The following RNF41 variants were observed in gnomAD, a reference collection of about 807,000 sequenced individuals.
RNF41 encodes E3 ubiquitin-protein ligase NRDP1.
A neutral mutation model predicts 33.0 loss-of-function variants in RNF41; 4 were observed. The observed-to-expected ratio is 0.12, with a 90% confidence interval of 0.06 to 0.28. RNF41 has a LOEUF of 0.28. Ranked by LOEUF, RNF41 falls within the 10% of genes least tolerant of loss-of-function variation. RNF41 has a pLI of 1.00. For missense variants in RNF41, 228 were observed against 432.6 expected (o/e 0.53, Z 4.19); for synonymous variants, 164 against 153.2 (o/e 1.07, Z -0.52).
intron 1 of RNF41, among the ~76,000 whole-genome samples, chr12:56,220,949 A>G (rs1225574125): frequency 6.6e-6 from 1 of 152,104 alleles, no homozygotes; most frequent in African/African-American, 2.4e-5. Context: ...CTCTTGCCCT[A>G]TTGTCAGACT....
rs1878692926 is a variant in RNF41, at chr12:56,203,597, T to C, written c.*2850A>G. 1 of 151,936 alleles carries C rather than the reference T, an allele frequency of 6.6e-6. No homozygotes were observed. Among genetic ancestry groups the C allele is most frequent in the South Asian group, 2.1e-4 (1 of 4,816 alleles). The allele number at this position is 151,936 out of a possible 1,614,324, so 9.4% of individuals were successfully genotyped here. A position where few individuals can be genotyped will look rare whatever the true frequency, so the allele number is the denominator to read the frequency against. On this transcript the variant is annotated 3_prime_UTR_variant, in exon 7 of 7. Transcript: ENST00000345093. The stretch of plus-strand genomic sequence containing the variant: ...TTTTAGTAGAGACAGGGTTTCACCA[T>C]GTTAGCCAGGATGGTCTCGATCTCC...
intron 4 of RNF41, chr12:56,209,900 TTC>T: frequency 4.3e-6 from 1 of 231,304 alleles, no homozygotes; most frequent in Non-Finnish European, 8.8e-6. Flanking sequence ...TAACATGCCC[TTC>T]AGCTATCAAC....
At chr12:56,208,863 G>T (rs964013058) in intron 4 of RNF41, among the ~76,000 whole-genome samples, 2 of 143,710 alleles carry the variant, frequency 1.4e-5, no homozygotes, top group African/African-American at 5.2e-5. Flanking sequence ...ACCGCGCCTG[G>T]CCTTTTTTTT....
chr12:56,219,337 G>A (rs1277255241), intron 1 of RNF41, among the ~76,000 whole-genome samples: 2 of 151,454 alleles, frequency 1.3e-5, no homozygotes, highest in South Asian at 2.1e-4. Flanking sequence ...GACTACAGGC[G>A]CCCGCCAGGA....
intron 4 of RNF41, chr12:56,209,948 A>G (rs1357375039): frequency 1.4e-5 from 4 of 279,858 alleles, no homozygotes; most frequent in African/African-American, 8.5e-5. Context: ...CAGAAATAAA[A>G]AAATAGGGCA....
intron 4 of RNF41, 111 bp downstream of exon 4, chr12:56,210,186 C>A: frequency 8.4e-7 from 1 of 1,192,296 alleles, no homozygotes; most frequent in Non-Finnish European, 1.2e-6. Flanking sequence ...TAAGAATACT[C>A]CTTGCCAACA....
At chr12:56,214,208 C>T (rs1470845906) in intron 2 of RNF41, 138 bp from the exon 3 acceptor site, 12 of 612,508 alleles carry the variant, frequency 2.0e-5, no homozygotes, top group South Asian at 5.7e-5. Context: ...TCATTTGGCT[C>T]GGTGGAAGCT....
chr12:56,218,092 T>G (rs1592359601), intron 1 of RNF41, among the ~76,000 whole-genome samples: 3 of 152,180 alleles, frequency 2.0e-5, no homozygotes, highest in Admixed American at 2.0e-4. Flanking sequence ...TAGCTAGGAT[T>G]ACAGGCACCC....
At chr12:56,216,881 C>A (rs776121028) in intron 1 of RNF41, among the ~76,000 whole-genome samples, 3 of 152,212 alleles carry the variant, frequency 2.0e-5, no homozygotes, top group Non-Finnish European at 4.4e-5. Context: ...TGGCTCACGC[C>A]TGTAATCCCA....
rs567027699 is a variant in RNF41 at position 56,221,866 on chromosome 12, G to A, written c.-315C>T. 2 of 152,626 alleles carry A rather than the reference G, an allele frequency of 1.3e-5. No individual in the cohort carries two copies. The highest frequency in any genetic ancestry group is 2.4e-5 in the African/African-American group (1 of 41,576). 9.5% of individuals were successfully genotyped at this position (152,626 alleles called of 1,614,324 possible). A position where few individuals can be genotyped will look rare whatever the true frequency, so the allele number is the denominator to read the frequency against. ...CGGGTCCCAGCCTCTCCCGGGAAGG[G>A]AAGGGAAAGGGGAAGGAGGGGAAAG... On this transcript the variant is annotated 5_prime_UTR_variant, in exon 1 of 7. Transcript: ENST00000345093.
chr12:56,217,651 G>A (rs934654727), intron 1 of RNF41, among the ~76,000 whole-genome samples: 1 of 152,184 alleles, frequency 6.6e-6, no homozygotes, highest in Non-Finnish European at 1.5e-5. Context: ...CCAGACTGTG[G>A]CCTATCAGGA....
At chr12:56,216,191 C>T (rs1868878473) in intron 2 of RNF41, among the ~76,000 whole-genome samples, 1 of 150,406 alleles carries the variant, frequency 6.6e-6, no homozygotes, top group African/African-American at 2.4e-5. Flanking sequence ...CCAATGAGTA[C>T]ATAGGAAAAA....
chr12:56,219,101 G>C (rs929806780), intron 1 of RNF41, among the ~76,000 whole-genome samples: 1 of 151,492 alleles, frequency 6.6e-6, no homozygotes, highest in African/African-American at 2.4e-5. Context: ...CACTTCCCAG[G>C]TTCAAACAAT....
intron 1 of RNF41, among the ~76,000 whole-genome samples, chr12:56,216,863 G>A (rs574575216): frequency 2.6e-5 from 4 of 152,204 alleles, no homozygotes; most frequent in Admixed American, 2.0e-4. Flanking sequence ...AAGAGAGGCC[G>A]GGCGTGGTGG....
chr12:56,215,784 T>A (rs890254142), intron 2 of RNF41, among the ~76,000 whole-genome samples: 12 of 148,924 alleles, frequency 8.1e-5, no homozygotes, highest in African/African-American at 2.7e-4. Context: ...AATGGCGCCA[T>A]GCCCCTTCTT....
At chr12:56,208,996 C>T (rs1202093658) in intron 4 of RNF41, among the ~76,000 whole-genome samples, 3 of 151,420 alleles carry the variant, frequency 2.0e-5, no homozygotes, top group Non-Finnish European at 2.9e-5. Context: ...TCCCGAGTAG[C>T]TGGGATTACA....
chr12:56,213,670 A>G (rs1339520200), intron 3 of RNF41, among the ~76,000 whole-genome samples: 4 of 152,188 alleles, frequency 2.6e-5, no homozygotes, highest in Non-Finnish European at 5.9e-5. Context: ...CTACCCAGCT[A>G]CTATCACAAG....
chr12:56,221,931 TG>T (rs1365165352), upstream of RNF41: 1 of 152,330 alleles, frequency 6.6e-6, no homozygotes, highest in African/African-American at 2.4e-5. Context: ...ACGGATCCTT[TG>T]CCCCGCCCAC....
At chr12:56,213,829 A>T in intron 3 of RNF41, 129 bp downstream of exon 3, 1 of 715,960 alleles carries the variant, frequency 1.4e-6, no homozygotes, top group Non-Finnish European at 2.5e-6. Context: ...CTTTGACCTA[A>T]ATCTCTATTG....
Sources: gnomAD v4.1 joint callset for allele counts (sites outside exome capture counted in the v4.1 genomes callset) on GRCh38, gnomAD v4.1.1 for gene constraint, MANE v1.5 for transcripts, NCBI Gene and HGNC (gene_info 2026-07-23, HGNC 2026-07-21) for gene names.